SLC1A6: variants seen among roughly 807,000 people sequenced by gnomAD.
SLC1A6 encodes solute carrier family 1 member 6, also known as excitatory amino acid transporter 4.
Under a neutral mutation model 42.1 loss-of-function variants are expected in SLC1A6, and 15 were observed. The observed-to-expected ratio is 0.36, with a 90% CI of 0.24 to 0.55. The LOEUF is 0.55. Ranked by LOEUF, SLC1A6 falls within the 20% of genes least tolerant of loss-of-function variation. The probability of loss-of-function intolerance (pLI) is 0.88; values close to 1 mark genes in which losing one functional copy is unlikely to be tolerated. For synonymous variants in SLC1A6, 317 were observed against 319.7 expected (o/e 0.99, Z 0.09); for missense variants, 542 against 772.5 (o/e 0.70, Z 3.54).
At chr19:14,965,440 T>C (rs1405944521) in intron 4 of SLC1A6, among the ~76,000 whole-genome samples, 1 of 152,174 alleles carries the variant, frequency 6.6e-6, no homozygotes, top group Non-Finnish European at 1.5e-5. Flanking sequence ...CATATGTTTA[T>C]CACAGTACAA....
At chr19:14,996,589 TCA>T (rs1461945868) in intron 1 of SLC1A6, among the ~76,000 whole-genome samples, 4 of 142,250 alleles carry the variant, frequency 2.8e-5, no homozygotes, top group African/African-American at 5.1e-5. Flanking sequence ...CTTCTTCCTC[TCA>T]TTGTACCTTA....
chr19:14,993,666 T>C (rs2045831548), intron 1 of SLC1A6, among the ~76,000 whole-genome samples: 1 of 152,120 alleles, frequency 6.6e-6, no homozygotes, highest in South Asian at 2.1e-4. Context: ...AAAAGGCAGA[T>C]GTATTAAAGA....
Position 14,968,395 on chromosome 19 carries a change from G to C in SLC1A6, c.456C>G (p.Ile152Met). The C allele has an allele frequency of 6.2e-7, 1 of 1,613,866 alleles. No individual in the cohort carries two copies. The highest frequency in any genetic ancestry group is 8.5e-7 in the Non-Finnish European group (1 of 1,179,906). ...AVFIGILMVTIIHPGKGSKEG... is the reference protein window; with the variant it reads ...AVFIGILMVTMIHPGKGSKEG... ...CCTTGGAGCCCTTCCCGGGATGGAT[G>C]ATGGTGACCATGAGGATGCCGATGA... is the stretch of plus-strand genomic sequence containing the variant. The change falls in exon 4 of 10, where the codon ATC (isoleucine) becomes ATG (methionine). Residue 152 changes from isoleucine to methionine, a missense_variant. Around this residue, in one of 6 missense-constraint regions of SLC1A6, gnomAD observed 298 missense variants for 419.4 expected, o/e 0.71. Transcript: ENST00000594383.
At chr19:15,002,498 T>TCGCTTTG (rs2045876661) in intron 1 of SLC1A6, among the ~76,000 whole-genome samples, 1 of 152,164 alleles carries the variant, frequency 6.6e-6, no homozygotes, top group African/African-American at 2.4e-5. Context: ...GAAGCCATGA[T>TCGCTTTG]CGCTTTGTAA....
chr19:14,978,809 G>A (rs1390705929), intron 1 of SLC1A6, among the ~76,000 whole-genome samples: 1 of 151,762 alleles, frequency 6.6e-6, no homozygotes, highest in African/African-American at 2.4e-5. Context: ...TACACCCTCA[G>A]GCACACAACC....
chr19:14,987,167 G>C (rs1600028909), intron 1 of SLC1A6, among the ~76,000 whole-genome samples: 1 of 152,148 alleles, frequency 6.6e-6, no homozygotes, highest in South Asian at 2.1e-4. Context: ...TAAGTCCTAT[G>C]GGGAAAAAAC....
rs940158857 is a variant in SLC1A6, at chr19:15,001,563, T to A, written c.6+8922A>T. 4.6e-5 allele frequency among the ~76,000 whole-genome samples: 7 copies of A among 152,198 alleles called. 1 individual carries two copies. Among genetic ancestry groups the A allele is most frequent in the African/African-American group, 1.7e-4 (7 of 41,514 alleles). ...GGGATGGGGCCAGATGGTAAGAAAT[T>A]GGGATTCTGTAGATTCTGGTAAGGA... On this transcript the variant is annotated intron_variant, in intron 1 of 8. Transcript: ENST00000430939.
chr19:15,004,024 TGG>T lies in SLC1A6; in HGVS notation c.6+6459_6+6460del, dbSNP rs369793873. Reference sequence around the variant, plus strand: ...ACAAAAAATTAGCTGGGCGTGGTGGTGGGCCCCTGTAGTCCCAGCTACTCAGC... The same window carrying T: ...ACAAAAAATTAGCTGGGCGTGGTGGTGCCCCTGTAGTCCCAGCTACTCAGC... On this transcript the variant is annotated intron_variant, in intron 1 of 8. Coordinates refer to the SLC1A6 transcript ENST00000430939. Among the ~76,000 whole-genome samples, 881 of 152,010 alleles carry T rather than the reference TGG, an allele frequency of 5.8e-3. 9 individuals are homozygous for T. Among genetic ancestry groups the T allele is most frequent in the African/African-American group, 0.02 (843 of 41,474 alleles).
chr19:14,955,647 A>T (rs2045455602), intron 7 of SLC1A6, among the ~76,000 whole-genome samples: 2 of 150,640 alleles, frequency 1.3e-5, no homozygotes, highest in South Asian at 4.2e-4. Context: ...AAAAAAAGAT[A>T]TTTTTGGCCG....
chr19:14,985,228 T>C (rs904253851), intron 1 of SLC1A6, among the ~76,000 whole-genome samples: 4 of 152,308 alleles, frequency 2.6e-5, no homozygotes, highest in African/African-American at 9.6e-5. Flanking sequence ...GTGACAGATA[T>C]ATTTCTTTCA....
At chr19:14,991,692 A>G (rs2045820890) in intron 1 of SLC1A6, among the ~76,000 whole-genome samples, 1 of 152,094 alleles carries the variant, frequency 6.6e-6, no homozygotes, top group Non-Finnish European at 1.5e-5. Context: ...AAGGAGTACC[A>G]AAAAAACCTC....
chr19:14,984,375 A>G (rs1227017552), upstream of SLC1A6, among the ~76,000 whole-genome samples: 1 of 152,168 alleles, frequency 6.6e-6, no homozygotes, highest in East Asian at 1.9e-4. Flanking sequence ...ATAGAATATA[A>G]CTACCATGAA....
At chr19:14,998,019 GTGTA>G (rs1311068640) in intron 1 of SLC1A6, among the ~76,000 whole-genome samples, 2 of 138,800 alleles carry the variant, frequency 1.4e-5, no homozygotes, top group South Asian at 2.3e-4. Flanking sequence ...GTGTGTGTGT[GTGTA>G]TGCACTATGG....
chr19:14,979,890 C>T (rs548462511), upstream of SLC1A6: 1 of 152,358 alleles, frequency 6.6e-6, no homozygotes, highest in Admixed American at 6.5e-5. The surrounding 1 kb of genome is among the most constrained non-coding windows in gnomAD (Gnocchi z 4.2). Context: ...TGAGTGGCCT[C>T]TCCGGCATCC....
At chr19:14,967,744 C>G (rs2045590411) in intron 4 of SLC1A6, among the ~76,000 whole-genome samples, 1 of 152,110 alleles carries the variant, frequency 6.6e-6, no homozygotes, top group African/African-American at 2.4e-5. Flanking sequence ...TTATGATAAG[C>G]AATATTAAAA....
intron 4 of SLC1A6, among the ~76,000 whole-genome samples, chr19:14,964,699 G>C (rs1213837035): frequency 6.6e-6 from 1 of 152,100 alleles, no homozygotes; most frequent in Non-Finnish European, 1.5e-5. Flanking sequence ...TCACCTCAAG[G>C]ACTTTAATTC....
At chr19:14,967,461 CAGG>C (rs1474689119) in intron 4 of SLC1A6, among the ~76,000 whole-genome samples, 1 of 152,192 alleles carries the variant, frequency 6.6e-6, no homozygotes, top group African/African-American at 2.4e-5. Flanking sequence ...CATGATGGGA[CAGG>C]AGGTCAGACA....
At chr19:14,992,458 C>A (rs907366715) in intron 1 of SLC1A6, among the ~76,000 whole-genome samples, 3 of 151,836 alleles carry the variant, frequency 2.0e-5, no homozygotes, top group South Asian at 2.1e-4. Flanking sequence ...AGCAGGGTCA[C>A]GGCCGGGTGT....
intron 1 of SLC1A6, among the ~76,000 whole-genome samples, chr19:14,997,918 T>G (rs1369265004): frequency 6.6e-6 from 1 of 152,100 alleles, no homozygotes; most frequent in East Asian, 1.9e-4. Context: ...TTTCTTGGCT[T>G]GTATATCCTC....
Sources: gnomAD v4.1 joint callset for allele counts (sites outside exome capture counted in the v4.1 genomes callset) on GRCh38, gnomAD v4.1.1 for gene constraint, gnomAD v4.1.1 regional missense constraint, Gnocchi (gnomAD v3.1) non-coding constraint, MANE v1.5 for transcripts, NCBI Gene and HGNC (gene_info 2026-07-23, HGNC 2026-07-21) for gene names.